The following COL4A5 variants were observed in gnomAD, a reference collection of about 807,000 sequenced individuals.
COL4A5 encodes the protein collagen alpha-5(IV) chain.
A neutral mutation model predicts 130.2 loss-of-function variants in COL4A5; 26 were observed. That is an observed-to-expected ratio of 0.20 (90% confidence interval 0.15 to 0.28). The LOEUF (loss-of-function observed/expected upper bound fraction) is 0.28, where lower values mean the gene tolerates loss of function less well. Among genes scored for constraint, COL4A5 ranks in the 10% least tolerant of loss-of-function variants. COL4A5 has a pLI of 1.00. For missense variants in COL4A5, 1,131 were observed against 1,344.3 expected, an observed-to-expected ratio of 0.84 and a Z score of 2.48; for synonymous variants, 496 against 439.6, an observed-to-expected ratio of 1.13 and a Z score of -1.60.
At chrX:108,639,994 AAC>A (rs750939314) in intron 36 of COL4A5, among the ~76,000 whole-genome samples, 27 of 112,302 alleles carry the variant, frequency 2.4e-4, no homozygotes, top group African/African-American at 8.4e-4. Flanking sequence ...TTCAAAAGTA[AAC>A]ACAGAATTAT....
At chrX:108,694,435 G>A (rs765739344) in intron 50 of COL4A5, 25 of 219,905 alleles carry the variant, frequency 1.1e-4, no homozygotes, top group African/African-American at 6.1e-4. Context: ...CACAGTTTCA[G>A]CATTACTAAA....
Position 108,599,503 on chromosome X carries a change from G to T in COL4A5, c.1948+633G>T, listed in dbSNP as rs147803390. Among the ~76,000 whole-genome samples the T allele has an allele frequency of 1.8e-4, 20 of 110,010 alleles. 1 individual carries two copies. The East Asian group carries it at 5.1e-3, about 28-fold the overall frequency. On this transcript the variant is annotated intron_variant, in intron 25 of 52. Coordinates refer to ENST00000328300, the MANE Select transcript of COL4A5 (RefSeq NM_033380.3). Reference sequence around the variant, plus strand: ...TTACAGTTGATTGATCCATTCTATGGTTAATGGTTAATTGGGTTATTTACA... The same window carrying T: ...TTACAGTTGATTGATCCATTCTATGTTTAATGGTTAATTGGGTTATTTACA...
intron 1 of COL4A5, among the ~76,000 whole-genome samples, chrX:108,477,770 C>T (rs942141575): frequency 9.8e-6 from 1 of 101,737 alleles, no homozygotes; most frequent in Admixed American, 1.1e-4. Flanking sequence ...GAGCTGAGAT[C>T]GCGCCACTGC....
intron 1 of COL4A5, among the ~76,000 whole-genome samples, chrX:108,469,061 T>C (rs748341056): frequency 1.8e-5 from 2 of 111,140 alleles, no homozygotes; most frequent in Non-Finnish European, 3.8e-5. Context: ...TTCTATTTTT[T>C]CTTGAGTTAG....
chrX:108,680,967 T>C lies in COL4A5; in HGVS notation c.4087+11T>C, dbSNP rs1291447032. 3 of 1,178,964 alleles carry C rather than the reference T, an allele frequency of 2.5e-6. No homozygotes were observed. Among genetic ancestry groups the C allele is most frequent in the Middle Eastern group, 2.4e-4 (1 of 4,215 alleles). ...TTATTGGTCCTCCAGGTAAGACTTA[T>C]TCCTGAAGATAGTTATACCTGATAC... is the stretch of plus-strand genomic sequence containing the variant. On this transcript the variant is annotated intron_variant, in intron 46 of 52. Coordinates refer to ENST00000328300, the MANE Select transcript of COL4A5 (RefSeq NM_033380.3).
rs1314371806 is a variant in COL4A5, at chrX:108,580,578, G to A, written c.826G>A (p.Gly276Ser). 8.3e-7 allele frequency: 1 copy of A among 1,208,733 alleles called. No homozygotes were observed. Among genetic ancestry groups the A allele is most frequent in the South Asian group, 1.8e-5 (1 of 56,917 alleles). ...GCCTCCTGGACCTCCAGGGATACGT[G>A]GTCCTCCAGTAAGTACCTAAAGTGC... ...RGPPGPPGIR[G>S]PPGPPGGEKG... Residue 276 changes from glycine to serine, a missense_variant, in exon 14 of 53, where the codon GGT (glycine) becomes AGT (serine). Gly to Ser is a moderately conservative substitution (Grantham distance 56). Coordinates refer to ENST00000328300, the MANE Select transcript of COL4A5 (RefSeq NM_033380.3).
At chrX:108,686,564 T>A (rs183607186) in intron 48 of COL4A5, among the ~76,000 whole-genome samples, 6 of 112,090 alleles carry the variant, frequency 5.4e-5, no homozygotes, top group Admixed American at 2.8e-4. Context: ...ATGGTGAAGT[T>A]TCATATTGAG....
intron 1 of COL4A5, among the ~76,000 whole-genome samples, chrX:108,505,552 A>G (rs1387640395): frequency 1.8e-5 from 2 of 111,364 alleles, no homozygotes; most frequent in Admixed American, 9.5e-5. Context: ...ATGAGGTCAT[A>G]AAGGTGGAAC....
intron 1 of COL4A5, among the ~76,000 whole-genome samples, chrX:108,509,265 A>G (rs986347307): frequency 3.6e-5 from 4 of 111,511 alleles, no homozygotes; most frequent in African/African-American, 1.3e-4. Context: ...ACAACACACA[A>G]TGGGGTCTTT....
intron 1 of COL4A5, among the ~76,000 whole-genome samples, chrX:108,528,903 T>G (rs2065352639): frequency 8.9e-6 from 1 of 112,047 alleles, no homozygotes; most frequent in Admixed American, 9.4e-5. Flanking sequence ...ATTTAAAGAA[T>G]AGGTGAAAAC....
At chrX:108,683,385 T>A (rs1312700728) in intron 47 of COL4A5, among the ~76,000 whole-genome samples, 5 of 111,882 alleles carry the variant, frequency 4.5e-5, no homozygotes, top group Non-Finnish European at 7.5e-5. Flanking sequence ...GCTCTTTTTT[T>A]AATTCCATAT....
At position 108,681,903 on chromosome X, in the gene COL4A5, C is replaced by T. The variant is rs755880632; in HGVS notation, c.4216+15C>T. On this transcript the variant is annotated intron_variant, in intron 47 of 52. Coordinates refer to ENST00000328300, the MANE Select transcript of COL4A5 (RefSeq NM_033380.3). The stretch of plus-strand genomic sequence containing the variant: ...AGGCTTACCAGGTACCAATGCAGAT[C>T]ATCTTTATTATCATTATTATACTTT... The T allele has an allele frequency of 9.2e-6, 11 of 1,192,923 alleles. No individual in the cohort carries two copies. The Admixed American group carries it at 2.2e-4, about 24-fold the overall frequency.
chrX:108,630,166 T>C (rs2067227946), intron 36 of COL4A5, among the ~76,000 whole-genome samples: 1 of 112,170 alleles, frequency 8.9e-6, no homozygotes. Flanking sequence ...CCTTTGGGTA[T>C]ATACCCAGTA....
At chrX:108,517,164 T>C (rs938371189) in intron 1 of COL4A5, among the ~76,000 whole-genome samples, 1 of 111,775 alleles carries the variant, frequency 8.9e-6, no homozygotes, top group African/African-American at 3.2e-5. Context: ...TATAATAATA[T>C]AACTTGAGAA....
chrX:108,477,670 G>C (rs925472081), intron 1 of COL4A5, among the ~76,000 whole-genome samples: 1 of 109,106 alleles, frequency 9.2e-6, no homozygotes, highest in Non-Finnish European at 1.9e-5. Flanking sequence ...ATAAAAATGA[G>C]CCGGGTGTGG....
At chrX:108,631,654 A>G (rs752966534) in intron 36 of COL4A5, among the ~76,000 whole-genome samples, 1 of 111,776 alleles carries the variant, frequency 8.9e-6, no homozygotes, top group Admixed American at 9.5e-5. Flanking sequence ...GTGCAATCAA[A>G]TTAGAATTTA....
intron 51 of COL4A5, 57 bp downstream of exon 51, chrX:108,694,978 A>G: frequency 1.1e-6 from 1 of 906,722 alleles, no homozygotes; most frequent in Non-Finnish European, 1.6e-6. Context: ...TTCCATCTAC[A>G]TTTCTTCCCA....
intron 28 of COL4A5, among the ~76,000 whole-genome samples, chrX:108,605,103 C>T (rs983202603): frequency 8.9e-6 from 1 of 112,355 alleles, no homozygotes; most frequent in African/African-American, 3.2e-5. Flanking sequence ...TGGAGTAGCA[C>T]TTTTAATTTC....
At chrX:108,595,754 A>T (rs1469834109) in intron 22 of COL4A5, among the ~76,000 whole-genome samples, 153 bp downstream of exon 22, 1 of 112,903 alleles carries the variant, frequency 8.9e-6, no homozygotes, top group Non-Finnish European at 1.9e-5. Context: ...TTATCAAATT[A>T]ATTATGCTCT....
Sources: gnomAD v4.1 joint callset for allele counts (sites outside exome capture counted in the v4.1 genomes callset) on GRCh38, gnomAD v4.1.1 for gene constraint, MANE v1.5 for transcripts, NCBI Gene and HGNC (gene_info 2026-07-23, HGNC 2026-07-21) for gene names.